Variants in TSHZ2 observed in about 807,000 individuals in gnomAD.
TSHZ2 encodes teashirt zinc finger homeobox 2.
In TSHZ2, 21 loss-of-function variants were observed where a neutral mutation model predicts 74.4. The ratio of observed to expected loss-of-function variants is 0.28; its 90% CI spans 0.20 to 0.41. TSHZ2 has a LOEUF of 0.41. TSHZ2 is among the 10% of genes least tolerant of loss of function. TSHZ2 has a pLI of 1.00. For missense variants in TSHZ2, 1,244 were observed against 1,293.5 expected (o/e 0.96, Z 0.59); for synonymous variants, 540 against 515.3 (o/e 1.05, Z -0.65).
At chr20:53,329,418 G>C (rs1175526445) in intron 2 of TSHZ2, among the ~76,000 whole-genome samples, 1 of 152,186 alleles carries the variant, frequency 6.6e-6, no homozygotes, top group Non-Finnish European at 1.5e-5. Flanking sequence ...CAGACCCCAG[G>C]ACTGTATTTC....
chr20:53,040,123 ATAGT>A (rs1410007970), intron 1 of TSHZ2, among the ~76,000 whole-genome samples: 2 of 152,164 alleles, frequency 1.3e-5, no homozygotes, highest in South Asian at 2.1e-4. Flanking sequence ...AAAACAGTGA[ATAGT>A]TAGTTAGGAC....
rs34299013 is a variant in TSHZ2 at position 53,258,780 on chromosome 20, G to A, written c.*8+2209G>A. 5.3e-4 allele frequency among the ~76,000 whole-genome samples: 80 copies of A among 152,276 alleles called. 1 individual carries two copies. The highest frequency in any genetic ancestry group is 2.4e-3 in the Admixed American group (36 of 15,292). ...ATCTAATTTGGACCTCGAAAGCACC[G>A]TATTGGTGTTTTCATTATACAAAAC... On this transcript the variant is annotated intron_variant, in intron 2 of 2. Coordinates refer to ENST00000371497, the MANE Select transcript of TSHZ2 (RefSeq NM_173485.6).
intron 1 of TSHZ2, among the ~76,000 whole-genome samples, chr20:53,109,093 C>T (rs1986458930): frequency 7.1e-6 from 1 of 141,220 alleles, no homozygotes; most frequent in Non-Finnish European, 1.6e-5. Context: ...TCTCCTCTCT[C>T]CATACAAACA....
At chr20:53,233,775 T>C (rs1989879517) in intron 1 of TSHZ2, among the ~76,000 whole-genome samples, 1 of 152,158 alleles carries the variant, frequency 6.6e-6, no homozygotes, top group Admixed American at 6.5e-5. Context: ...CAGACATTAT[T>C]AAATAGTTTC....
At chr20:53,245,999 G>A (rs183178233) in intron 1 of TSHZ2, among the ~76,000 whole-genome samples, 9 of 148,150 alleles carry the variant, frequency 6.1e-5, no homozygotes, top group East Asian at 3.9e-4. Context: ...CTCCATGAAA[G>A]TCCTTCAGTA....
At chr20:53,191,861 A>G (rs1312248268) in intron 1 of TSHZ2, among the ~76,000 whole-genome samples, 1 of 152,192 alleles carries the variant, frequency 6.6e-6, no homozygotes, top group African/African-American at 2.4e-5. Flanking sequence ...AGGCATACAT[A>G]CACATGTGAT....
chr20:53,468,778 C>T (rs1467894853), intron 2 of TSHZ2, among the ~76,000 whole-genome samples: 1 of 148,284 alleles, frequency 6.7e-6, no homozygotes, highest in Non-Finnish European at 1.5e-5. Flanking sequence ...ATGAAACATA[C>T]ATCATGCATT....
At chr20:53,334,822 T>C (rs955792837) in intron 2 of TSHZ2, among the ~76,000 whole-genome samples, 4 of 152,082 alleles carry the variant, frequency 2.6e-5, no homozygotes, top group African/African-American at 9.7e-5. Context: ...TGGCTGGGAC[T>C]ACAGGCATGC....
chr20:53,362,479 C>A (rs1211539046), intron 2 of TSHZ2, among the ~76,000 whole-genome samples: 3 of 152,162 alleles, frequency 2.0e-5, no homozygotes, highest in Non-Finnish European at 4.4e-5. Flanking sequence ...CCACCGTGCC[C>A]GGCCCACACA....
At chr20:53,137,873 A>G (rs1412102266) in intron 1 of TSHZ2, among the ~76,000 whole-genome samples, 1 of 152,222 alleles carries the variant, frequency 6.6e-6, no homozygotes, top group Non-Finnish European at 1.5e-5. Flanking sequence ...ATACAAATGA[A>G]TACATTTCAT....
chr20:53,078,927 A>G (rs1231346607), intron 1 of TSHZ2, among the ~76,000 whole-genome samples: 1 of 152,190 alleles, frequency 6.6e-6, no homozygotes, highest in Non-Finnish European at 1.5e-5. Flanking sequence ...TCAACATAAT[A>G]CCCAATTACA....
Position 53,489,345 on chromosome 20 carries a change from T to C in TSHZ2, c.*2210T>C, listed in dbSNP as rs998611784. 5 of 372,978 alleles carry C rather than the reference T, an allele frequency of 1.3e-5. No homozygotes were observed. The highest frequency in any genetic ancestry group is 6.1e-5 in the South Asian group (3 of 49,422). The allele number at this position is 372,978 out of a possible 1,614,324, so 23.1% of individuals were successfully genotyped here. A position where few individuals can be genotyped will look rare whatever the true frequency, so the allele number is the denominator to read the frequency against. ...GGAACAGTCTTCAGATGGGTTAAGATTGAAGGGTGGACTGGACTCTACTGA... is the reference window on the plus strand; with the variant it reads ...GGAACAGTCTTCAGATGGGTTAAGACTGAAGGGTGGACTGGACTCTACTGA... On this transcript the variant is annotated 3_prime_UTR_variant, in exon 3 of 3. Transcript: ENST00000371497.
intron 2 of TSHZ2, among the ~76,000 whole-genome samples, chr20:53,267,803 A>G (rs1206366875): frequency 6.6e-6 from 1 of 152,264 alleles, no homozygotes; most frequent in Non-Finnish European, 1.5e-5. Context: ...TGCTAAGCTC[A>G]GGCTAAGCAC....
chr20:53,355,271 G>A (rs1395416777), intron 2 of TSHZ2, among the ~76,000 whole-genome samples: 1 of 152,110 alleles, frequency 6.6e-6, no homozygotes, highest in East Asian at 1.9e-4. Flanking sequence ...CCCTCCTTTG[G>A]GCAGTATGGC....
chr20:53,405,128 A>G (rs906029964), intron 2 of TSHZ2, among the ~76,000 whole-genome samples: 1 of 143,966 alleles, frequency 6.9e-6, no homozygotes, highest in Non-Finnish European at 1.6e-5. Flanking sequence ...GCGTACCTAT[A>G]GTCTCAGCTA....
chr20:53,189,443 A>G (rs2038379808), intron 1 of TSHZ2, among the ~76,000 whole-genome samples: 1 of 152,240 alleles, frequency 6.6e-6, no homozygotes, highest in African/African-American at 2.4e-5. Context: ...GCTTGTTTTC[A>G]GAGAAAATAC....
At chr20:53,243,413 C>T (rs937554253) in intron 1 of TSHZ2, among the ~76,000 whole-genome samples, 1 of 152,142 alleles carries the variant, frequency 6.6e-6, no homozygotes, top group Non-Finnish European at 1.5e-5. Flanking sequence ...GAGATGAAAG[C>T]ATATCATAAA....
At chr20:53,356,043 T>C (rs771818437) in intron 2 of TSHZ2, among the ~76,000 whole-genome samples, 1 of 152,190 alleles carries the variant, frequency 6.6e-6, no homozygotes, top group Non-Finnish European at 1.5e-5. Flanking sequence ...GAGAGGCAGA[T>C]AGCAGCAAAT....
At chr20:53,478,574 G>A (rs533066373) in intron 2 of TSHZ2, among the ~76,000 whole-genome samples, 37 of 150,894 alleles carry the variant, frequency 2.5e-4, no homozygotes, top group Non-Finnish European at 4.4e-4. Flanking sequence ...ATGACGAGTT[G>A]GTGGGTGCAG....
Sources: gnomAD v4.1 joint callset for allele counts (sites outside exome capture counted in the v4.1 genomes callset) on GRCh38, gnomAD v4.1.1 for gene constraint, MANE v1.5 for transcripts, NCBI Gene and HGNC (gene_info 2026-07-23, HGNC 2026-07-21) for gene names.